The following OR3A2 variants were observed in gnomAD, a reference collection of about 807,000 sequenced individuals.
OR3A2 encodes olfactory receptor family 3 subfamily A member 2, also known as olfactory receptor 3A2.
For synonymous variants in OR3A2, 126 were observed against 159.3 expected (o/e 0.79, Z 1.57); for missense variants, 318 against 392.8 (o/e 0.81, Z 1.61).
At position 3,279,081 on chromosome 17, in the gene OR3A2, T is replaced by C. The variant is rs191458126; in HGVS notation, c.-6-158A>G. ...CATCACCTCAATGCCTTTACCTTGC[T>C]CTTGGTTGACATGCCCAATGACACC... On this transcript the variant is annotated intron_variant, in intron 1 of 1. Coordinates refer to ENST00000642052, the Ensembl canonical transcript of OR3A2. The C allele has an allele frequency of 2.2e-5, 29 of 1,309,142 alleles. No homozygotes were observed. In the African/African-American group the frequency reaches 4.2e-4, roughly 19 times the overall value. The allele number at this position is 1,309,142 out of a possible 1,614,324, so 81.1% of individuals were successfully genotyped here.
At chr17:3,333,666 T>C (rs1439592016) in intron 3 of OR3A2, among the ~76,000 whole-genome samples, 2 of 152,104 alleles carry the variant, frequency 1.3e-5, no homozygotes, top group African/African-American at 2.4e-5. Context: ...AGAACCTGCA[T>C]TGAAATATTG....
In OR3A2 at chr17:3,339,538, G is replaced by C. The variant is rs1296051431; in HGVS notation, c.-178-3412C>G. ...CTGCATCTATTGAGAAAATCATGTG[G>C]TTTTTGTCTTTGATTCTGTTTATGT... On this transcript the variant is annotated intron_variant, in intron 2 of 4. Coordinates refer to the OR3A2 transcript ENST00000573491. 2.0e-5 allele frequency among the ~76,000 whole-genome samples: 3 copies of C among 152,106 alleles called. No homozygotes were observed. In the East Asian group the frequency reaches 5.8e-4, roughly 29 times the overall value.
chr17:3,363,026 C>G (rs1176635148), intron 2 of OR3A2, among the ~76,000 whole-genome samples: 1 of 151,816 alleles, frequency 6.6e-6, no homozygotes, highest in Non-Finnish European at 1.5e-5. Context: ...GGACCTGGCC[C>G]ATGACACCAT....
At chr17:3,365,223 G>A (rs959556597) in intron 2 of OR3A2, among the ~76,000 whole-genome samples, 1 of 152,138 alleles carries the variant, frequency 6.6e-6, no homozygotes, top group East Asian at 1.9e-4. Flanking sequence ...GTATGTGGGG[G>A]TATACCAGAA....
intron 2 of OR3A2, among the ~76,000 whole-genome samples, chr17:3,372,433 A>G (rs1215742795): frequency 6.6e-6 from 1 of 152,060 alleles, no homozygotes; most frequent in African/African-American, 2.4e-5. Flanking sequence ...GCGGCTGGGC[A>G]GAGGCTGCAA....
chr17:3,319,423 C>G (rs74512178), intron 3 of OR3A2, among the ~76,000 whole-genome samples: 9 of 151,646 alleles, frequency 5.9e-5, no homozygotes, highest in African/African-American at 2.2e-4. Context: ...ATGTGCACAA[C>G]ATGCAGGTTT....
chr17:3,342,423 G>A (rs551001594), intron 2 of OR3A2, among the ~76,000 whole-genome samples: 13 of 152,192 alleles, frequency 8.5e-5, no homozygotes, highest in Non-Finnish European at 1.8e-4. Flanking sequence ...TCTGGTCTTT[G>A]ATGATGGTGA....
chr17:3,283,035 TC>T (rs1405056274), intron 1 of OR3A2, among the ~76,000 whole-genome samples: 7 of 152,178 alleles, frequency 4.6e-5, no homozygotes, highest in African/African-American at 1.7e-4. Context: ...TCTTTCTCTC[TC>T]TCTCTCTCTC....
At chr17:3,337,978 G>A (rs556932478) in intron 2 of OR3A2, among the ~76,000 whole-genome samples, 8 of 152,330 alleles carry the variant, frequency 5.3e-5, no homozygotes, top group Non-Finnish European at 1.0e-4. Flanking sequence ...TAACTGGTGT[G>A]AGATGGTATC....
intron 3 of OR3A2, among the ~76,000 whole-genome samples, chr17:3,323,716 C>T (rs1023642694): frequency 2.6e-5 from 4 of 152,088 alleles, no homozygotes; most frequent in Non-Finnish European, 4.4e-5. Context: ...AGAGTTTCTG[C>T]TGAGAGATCA....
chr17:3,352,092 T>A (rs1001694223), intron 2 of OR3A2, among the ~76,000 whole-genome samples: 43 of 152,052 alleles, frequency 2.8e-4, no homozygotes, highest in Non-Finnish European at 1.6e-4. Context: ...GCCCATTTTT[T>A]AATCAGGATT....
intron 3 of OR3A2, among the ~76,000 whole-genome samples, chr17:3,309,455 G>A (rs900997964): frequency 6.6e-6 from 1 of 152,098 alleles, no homozygotes; most frequent in African/African-American, 2.4e-5. Context: ...ATTTGTGTGA[G>A]AGTTCACCTG....
intron 2 of OR3A2, among the ~76,000 whole-genome samples, chr17:3,379,220 G>A (rs902132664): frequency 2.6e-5 from 4 of 152,178 alleles, no homozygotes; most frequent in Non-Finnish European, 5.9e-5. Context: ...AAGGAAAGAT[G>A]AGAGAACAAG....
chr17:3,326,522 T>A (rs2049174521), intron 3 of OR3A2, among the ~76,000 whole-genome samples: 1 of 151,764 alleles, frequency 6.6e-6, no homozygotes, highest in Admixed American at 6.6e-5. Flanking sequence ...AATTAATACT[T>A]TTATAATTTC....
intron 3 of OR3A2, among the ~76,000 whole-genome samples, chr17:3,315,153 T>C (rs1032230830): frequency 2.6e-5 from 4 of 152,186 alleles, no homozygotes; most frequent in African/African-American, 9.7e-5. Context: ...AACATATAAG[T>C]GCGTGTGTCT....
intron 3 of OR3A2, among the ~76,000 whole-genome samples, chr17:3,299,204 T>C (rs2048943816): frequency 6.6e-6 from 1 of 152,184 alleles, no homozygotes; most frequent in Non-Finnish European, 1.5e-5. Flanking sequence ...CAGAGCGTTG[T>C]TCTCCCAGAT....
chr17:3,289,600 T>TA (rs1434709833), intron 3 of OR3A2, among the ~76,000 whole-genome samples: 1 of 152,224 alleles, frequency 6.6e-6, no homozygotes, highest in African/African-American at 2.4e-5. Flanking sequence ...GAAGGTGTGG[T>TA]AGCTCCCTCA....
intron 2 of OR3A2, among the ~76,000 whole-genome samples, chr17:3,353,744 G>A (rs372560747): frequency 3.0e-4 from 45 of 151,776 alleles, no homozygotes; most frequent in African/African-American, 8.9e-4. Flanking sequence ...TGATACAGGC[G>A]TGCAAAGTGA....
At chr17:3,385,285 C>T (rs1465715116) in intron 1 of OR3A2, among the ~76,000 whole-genome samples, 4 of 152,186 alleles carry the variant, frequency 2.6e-5, no homozygotes, top group Admixed American at 1.3e-4. Flanking sequence ...CAGTAAGGTG[C>T]TTTATGAAGA....
Sources: gnomAD v4.1 joint callset for allele counts (sites outside exome capture counted in the v4.1 genomes callset) on GRCh38, gnomAD v4.1.1 for gene constraint, MANE v1.5 for transcripts, NCBI Gene and HGNC (gene_info 2026-07-23, HGNC 2026-07-21) for gene names.